Variants in CEP128 observed in about 807,000 individuals in gnomAD.
CEP128 encodes the protein centrosomal protein 128kDa.
In CEP128, 132 loss-of-function variants were observed where a neutral mutation model predicts 156.7. The observed-to-expected ratio is 0.84, with a 90% CI of 0.73 to 0.97. The LOEUF (loss-of-function observed/expected upper bound fraction) is 0.97, where lower values mean the gene tolerates loss of function less well. CEP128 is among the 50% of genes least tolerant of loss of function. The pLI is 0.00. For missense variants in CEP128, 1,252 were observed against 1,281.9 expected, an observed-to-expected ratio of 0.98 and a Z score of 0.36; for synonymous variants, 469 against 448.9, an observed-to-expected ratio of 1.04 and a Z score of -0.57.
chr14:80,690,484 G>C (rs973522036), intron 19 of CEP128, among the ~76,000 whole-genome samples: 1 of 151,132 alleles, frequency 6.6e-6, no homozygotes, highest in Non-Finnish European at 1.5e-5. Flanking sequence ...ATAGCTTAGA[G>C]TTCTCACAAT....
At chr14:80,605,391 T>C (rs758161793) in intron 19 of CEP128, among the ~76,000 whole-genome samples, 13 of 152,106 alleles carry the variant, frequency 8.5e-5, no homozygotes, top group South Asian at 4.1e-4. Flanking sequence ...GGACTGTTTA[T>C]AGATAATAAA....
Position 80,669,780 on chromosome 14 carries a change from T to A in CEP128, c.2806+73295A>T, listed in dbSNP as rs186608372. Among the ~76,000 whole-genome samples, 779 of 152,346 alleles carry A rather than the reference T, an allele frequency of 5.1e-3. 10 individuals carry two copies. The highest frequency in any genetic ancestry group is 0.018 in the South Asian group (89 of 4,834). On this transcript the variant is annotated intron_variant, in intron 19 of 24. Coordinates refer to ENST00000555265, the MANE Select transcript of CEP128 (RefSeq NM_152446.5). ...AAGAACTAAAAATAAGTATACCATT[T>A]GATCCAGCAATTCCATGAGTAGGTA... is the stretch of plus-strand genomic sequence containing the variant.
intron 19 of CEP128, among the ~76,000 whole-genome samples, chr14:80,735,710 C>T (rs1898495499): frequency 6.6e-6 from 1 of 152,196 alleles, no homozygotes; most frequent in Non-Finnish European, 1.5e-5. Context: ...ATACGTCTTA[C>T]TGGGCTAAAT....
intron 21 of CEP128, among the ~76,000 whole-genome samples, chr14:80,553,796 A>G (rs955810488): frequency 6.6e-5 from 10 of 152,122 alleles, no homozygotes; most frequent in African/African-American, 2.4e-4. Context: ...TAAACTCTGT[A>G]TTTTTTCATA....
At chr14:80,538,563 C>T (rs1395940027) in intron 21 of CEP128, among the ~76,000 whole-genome samples, 1 of 152,142 alleles carries the variant, frequency 6.6e-6, no homozygotes, top group Non-Finnish European at 1.5e-5. Flanking sequence ...TTTATATTTG[C>T]TTTATCATAT....
chr14:80,702,422 A>G (rs1424880282), intron 19 of CEP128, among the ~76,000 whole-genome samples: 1 of 152,122 alleles, frequency 6.6e-6, no homozygotes, highest in Non-Finnish European at 1.5e-5. Flanking sequence ...TGCATTCCTC[A>G]CCATATTCTT....
At chr14:80,734,319 C>G (rs1898420149) in intron 19 of CEP128, among the ~76,000 whole-genome samples, 1 of 151,850 alleles carries the variant, frequency 6.6e-6, no homozygotes, top group African/African-American at 2.4e-5. Flanking sequence ...CTAACATAAT[C>G]AAAAGTTTAA....
intron 21 of CEP128, among the ~76,000 whole-genome samples, chr14:80,541,660 C>T (rs1213397844): frequency 6.6e-6 from 1 of 151,948 alleles, no homozygotes. Flanking sequence ...CTAAATACTG[C>T]TAATTAACTT....
chr14:80,611,642 G>A (rs961915030), intron 19 of CEP128, among the ~76,000 whole-genome samples: 1 of 152,166 alleles, frequency 6.6e-6, no homozygotes, highest in Non-Finnish European at 1.5e-5. Context: ...AAGCTACAGA[G>A]ATCTTCTTAA....
intron 19 of CEP128, among the ~76,000 whole-genome samples, chr14:80,599,245 C>T (rs920621978): frequency 5.3e-5 from 8 of 151,132 alleles, no homozygotes; most frequent in African/African-American, 1.9e-4. Context: ...ACTGCATCTA[C>T]CCTAGTACAC....
chr14:80,622,538 A>G (rs1893523881), intron 19 of CEP128, among the ~76,000 whole-genome samples: 1 of 150,730 alleles, frequency 6.6e-6, no homozygotes, highest in Admixed American at 6.6e-5. Context: ...AGAATGGGAG[A>G]AAATTTTCGC....
At chr14:80,758,064 C>T (rs1230006062) in intron 17 of CEP128, among the ~76,000 whole-genome samples, 1 of 152,130 alleles carries the variant, frequency 6.6e-6, no homozygotes, top group Non-Finnish European at 1.5e-5. Flanking sequence ...TTTTATTATT[C>T]TTTTTCATTC....
chr14:80,552,178 G>A (rs1324612949), intron 21 of CEP128, among the ~76,000 whole-genome samples: 2 of 151,958 alleles, frequency 1.3e-5, no homozygotes, highest in African/African-American at 4.8e-5. Flanking sequence ...GCATGGTGGT[G>A]GGCACCTGTA....
At chr14:80,591,700 T>C (rs971575380) in intron 19 of CEP128, among the ~76,000 whole-genome samples, 10 of 152,186 alleles carry the variant, frequency 6.6e-5, no homozygotes, top group Middle Eastern at 3.2e-3. Context: ...CAACAGAATG[T>C]ACATTCTTCT....
chr14:80,623,415 T>A (rs1470790413), intron 19 of CEP128, among the ~76,000 whole-genome samples: 1 of 151,702 alleles, frequency 6.6e-6, no homozygotes, highest in Non-Finnish European at 1.5e-5. Context: ...CATATGTAAC[T>A]AACCTGCACA....
chr14:80,508,474 A>G (rs1888090261), intron 23 of CEP128, among the ~76,000 whole-genome samples: 1 of 152,258 alleles, frequency 6.6e-6, no homozygotes, highest in Non-Finnish European at 1.5e-5. Flanking sequence ...AATTTTCTCT[A>G]TCATGATCAT....
At chr14:80,703,170 GAA>G (rs1469947033) in intron 19 of CEP128, among the ~76,000 whole-genome samples, 2 of 151,974 alleles carry the variant, frequency 1.3e-5, no homozygotes, top group Admixed American at 1.3e-4. Flanking sequence ...GTAGAACTTG[GAA>G]AAATCACTTA....
intron 9 of CEP128, among the ~76,000 whole-genome samples, chr14:80,842,552 G>C (rs1362586600): frequency 6.6e-6 from 1 of 151,930 alleles, no homozygotes; most frequent in African/African-American, 2.4e-5. Flanking sequence ...AATACTCAAA[G>C]AGAGATATTT....
exon 7 of CEP128, chr14:80,490,707 A>G (rs964092689): frequency 3.9e-5 from 6 of 152,194 alleles, no homozygotes; most frequent in African/African-American, 1.4e-4. Flanking sequence ...TCAGGACTGA[A>G]TCACAGCTCG....
Sources: allele counts gnomAD v4.1 joint callset (sites outside exome capture counted in the v4.1 genomes callset), GRCh38; gene constraint gnomAD v4.1.1; transcripts MANE v1.5; gene names NCBI Gene and HGNC (gene_info 2026-07-23, HGNC 2026-07-21).